The following GNB4 variants were observed in gnomAD, a reference collection of about 807,000 sequenced individuals.
GNB4 encodes the protein G protein subunit beta 4, also known as guanine nucleotide-binding protein subunit beta-4.
Under a neutral mutation model 45.2 loss-of-function variants are expected in GNB4, and 28 were observed. That is an observed-to-expected ratio of 0.62 (90% CI 0.46 to 0.85). The LOEUF (loss-of-function observed/expected upper bound fraction) is 0.85, where lower values mean the gene tolerates loss of function less well. GNB4 is among the 40% of genes least tolerant of loss of function. The pLI is 0.00. For missense variants in GNB4, 321 were observed against 425.4 expected (o/e 0.75, Z 2.16); for synonymous variants, 132 against 143.7 (o/e 0.92, Z 0.58).
intron 2 of GNB4, among the ~76,000 whole-genome samples, chr3:179,425,050 G>A (rs1359483322): frequency 6.6e-6 from 1 of 152,146 alleles, no homozygotes; most frequent in South Asian, 2.1e-4. Context: ...ACTTTTCTCT[G>A]GGAAAAGAAG....
intron 5 of GNB4, among the ~76,000 whole-genome samples, chr3:179,415,508 G>T (rs1714772936): frequency 6.6e-6 from 1 of 152,074 alleles, no homozygotes; most frequent in Non-Finnish European, 1.5e-5. Flanking sequence ...GACAACACTG[G>T]CATCCCTCTA....
chr3:179,443,028 C>CA (rs1025065306), intron 1 of GNB4, among the ~76,000 whole-genome samples: 7 of 152,220 alleles, frequency 4.6e-5, no homozygotes, highest in Admixed American at 4.6e-4. Flanking sequence ...TGGTTACATA[C>CA]AAAAATTTTA....
chr3:179,415,133 A>T lies in GNB4; in HGVS notation c.268-86T>A, dbSNP rs562464946. ...CATTTACAATGAAGTAAATATTATT[A>T]AAAATTAAACACATCTAAGAAAGAT... On this transcript the variant is annotated intron_variant, in intron 5 of 9. Coordinates refer to ENST00000232564, the MANE Select transcript of GNB4 (RefSeq NM_021629.4). 39 of 1,058,230 alleles carry T rather than the reference A, an allele frequency of 3.7e-5. No homozygotes were observed. The African/African-American group carries it at 5.3e-4, about 14-fold the overall frequency. The allele number at this position is 1,058,230 out of a possible 1,614,324, so 65.6% of individuals were successfully genotyped here. A position where few individuals can be genotyped will look rare whatever the true frequency, so the allele number is the denominator to read the frequency against.
the GNB4 span, among the ~76,000 whole-genome samples, chr3:179,468,928 C>T: frequency 6.6e-6 from 1 of 152,134 alleles, no homozygotes; most frequent in African/African-American, 2.4e-5. Flanking sequence ...TCTCTGAAGC[C>T]TGCTACCTGG....
chr3:179,436,359 C>G (rs2108613536), intron 1 of GNB4, among the ~76,000 whole-genome samples: 1 of 152,182 alleles, frequency 6.6e-6, no homozygotes, highest in Non-Finnish European at 1.5e-5. Context: ...CATTGCACTC[C>G]CGCCTGGGCA....
chr3:179,420,959 T>G lies in GNB4; in HGVS notation c.58-32A>C, dbSNP rs778827223. On this transcript the variant is annotated intron_variant, in intron 2 of 9. Transcript: ENST00000232564. ...TAAAAAAATATGATTATAATGCATTTAGCAACCTGTGGAATGACTAAAGTG... is the reference window on the plus strand; with the variant it reads ...TAAAAAAATATGATTATAATGCATTGAGCAACCTGTGGAATGACTAAAGTG... The G allele has an allele frequency of 1.5e-5, 20 of 1,293,002 alleles. No homozygotes were observed. In the East Asian group the frequency reaches 2.1e-4, roughly 14 times the overall value. 80.1% of individuals were successfully genotyped at this position (1,293,002 alleles called of 1,614,324 possible). A position where few individuals can be genotyped will look rare whatever the true frequency, so the allele number is the denominator to read the frequency against.
chr3:179,406,763 C>A (rs1034711269), intron 8 of GNB4, among the ~76,000 whole-genome samples: 3 of 152,204 alleles, frequency 2.0e-5, no homozygotes, highest in African/African-American at 7.2e-5. Context: ...CAGGCATGCA[C>A]CACAACGCCT....
the GNB4 span, among the ~76,000 whole-genome samples, chr3:179,468,035 A>AAAAAAAAAATATATATATATAT: frequency 8.5e-3 from 762 of 89,816 alleles, 52 homozygotes; most frequent in African/African-American, 0.029. Flanking sequence ...TGTTGATAAA[A>AAAAAAAAAATATATATATATAT]ATATATATAT....
At chr3:179,416,198 A>G (rs1305529635) in intron 5 of GNB4, among the ~76,000 whole-genome samples, 2 of 152,208 alleles carry the variant, frequency 1.3e-5, no homozygotes, top group Non-Finnish European at 1.5e-5. Flanking sequence ...GGTCTTTGTC[A>G]TATTAGGAAA....
At chr3:179,509,715 A>G in the GNB4 span, among the ~76,000 whole-genome samples, 1 of 150,194 alleles carries the variant, frequency 6.7e-6, no homozygotes, top group Non-Finnish European at 1.5e-5. Context: ...TAGATATATT[A>G]AGACTATCAA....
chr3:179,427,333 G>A (rs1444934260), intron 1 of GNB4, among the ~76,000 whole-genome samples: 2 of 151,950 alleles, frequency 1.3e-5, no homozygotes, highest in African/African-American at 4.8e-5. Context: ...GGTCTGGTGT[G>A]GTGGCTCACG....
the GNB4 span, among the ~76,000 whole-genome samples, chr3:179,466,739 G>A: frequency 8.6e-4 from 131 of 152,298 alleles, 1 homozygote; most frequent in Admixed American, 1.5e-3. Context: ...CCTGTTAAAA[G>A]CTATGGAAAT....
At chr3:179,520,342 A>G in the GNB4 span, among the ~76,000 whole-genome samples, 1 of 152,068 alleles carries the variant, frequency 6.6e-6, no homozygotes, top group Non-Finnish European at 1.5e-5. Flanking sequence ...TGTCCAGCTA[A>G]TCTCCAAAAC....
chr3:179,422,724 A>G (rs1715027586), intron 2 of GNB4, among the ~76,000 whole-genome samples: 1 of 152,258 alleles, frequency 6.6e-6, no homozygotes, highest in South Asian at 2.1e-4. Flanking sequence ...CATTTCTATT[A>G]TATCATGTAT....
the GNB4 span, among the ~76,000 whole-genome samples, chr3:179,513,941 T>C: frequency 2.0e-5 from 3 of 152,202 alleles, no homozygotes; most frequent in Non-Finnish European, 2.9e-5. Flanking sequence ...AACCCCTACC[T>C]GGTAGTCATT....
the GNB4 span, among the ~76,000 whole-genome samples, chr3:179,509,394 C>G: frequency 6.6e-5 from 10 of 152,264 alleles, 1 homozygote; most frequent in African/African-American, 2.4e-4. Flanking sequence ...GATATTCACA[C>G]TGGCATTCTC....
At chr3:179,489,602 C>G in the GNB4 span, among the ~76,000 whole-genome samples, 1 of 152,130 alleles carries the variant, frequency 6.6e-6, no homozygotes, top group Admixed American at 6.6e-5. Context: ...GATTCTGCCA[C>G]TCTATTCTAG....
At chr3:179,491,300 C>T in the GNB4 span, among the ~76,000 whole-genome samples, 21 of 152,142 alleles carry the variant, frequency 1.4e-4, no homozygotes, top group Non-Finnish European at 5.9e-5. Flanking sequence ...AGGCTGAAAT[C>T]TATTCACAGG....
At chr3:179,432,478 A>G (rs567660238) in intron 1 of GNB4, among the ~76,000 whole-genome samples, 1 of 152,172 alleles carries the variant, frequency 6.6e-6, no homozygotes, top group Admixed American at 6.5e-5. Context: ...TCTAGCACAG[A>G]CCAATAGATT....
Sources: gnomAD v4.1 joint callset for allele counts (sites outside exome capture counted in the v4.1 genomes callset) on GRCh38, gnomAD v4.1.1 for gene constraint, MANE v1.5 for transcripts, NCBI Gene and HGNC (gene_info 2026-07-23, HGNC 2026-07-21) for gene names.